The following NLRP5 variants were observed in gnomAD, a reference collection of about 807,000 sequenced individuals.
NLRP5 encodes the protein NLR family pyrin domain containing 5.
Under a neutral mutation model 113.1 loss-of-function variants are expected in NLRP5, and 93 were observed. The ratio of observed to expected loss-of-function variants is 0.82; its 90% CI spans 0.70 to 0.98. The LOEUF is 0.98. Ranked by LOEUF, NLRP5 falls within the 50% of genes least tolerant of loss-of-function variation. The probability of loss-of-function intolerance (pLI) is 0.00; values close to 1 mark genes in which losing one functional copy is unlikely to be tolerated. For missense variants in NLRP5, 1,808 were observed against 1,514.3 expected (o/e 1.19, Z -3.22); for synonymous variants, 751 against 600.7 (o/e 1.25, Z -3.66).
chr19:55,998,319 C>G (rs963693199), upstream of NLRP5, among the ~76,000 whole-genome samples: 15 of 152,102 alleles, frequency 9.9e-5, no homozygotes, highest in Middle Eastern at 3.4e-3. Context: ...TGATAGTCAC[C>G]ACACTCCAGC....
At chr19:55,989,951 C>T in the NLRP5 span, among the ~76,000 whole-genome samples, 1 of 152,132 alleles carries the variant, frequency 6.6e-6, no homozygotes, top group African/African-American at 2.4e-5. Context: ...AGCGTCCAGT[C>T]ACACATTGTG....
intron 2 of NLRP5, among the ~76,000 whole-genome samples, chr19:56,005,625 TACACACACAC>T (rs147776319): frequency 7.2e-6 from 1 of 139,150 alleles, no homozygotes; most frequent in Non-Finnish European, 1.5e-5. Context: ...TATATATTTA[TACACACACAC>T]ACACACACGC....
intron 3 of NLRP5, among the ~76,000 whole-genome samples, chr19:56,011,515 C>G (rs1001819420): frequency 1.3e-5 from 2 of 152,072 alleles, no homozygotes; most frequent in Admixed American, 6.6e-5. Context: ...TATTACAAAA[C>G]TCTAGAGAAG....
At chr19:55,998,706 GTGTGTGTGTA>G (rs1355983071), upstream of NLRP5, among the ~76,000 whole-genome samples, 1 of 31,320 alleles carries the variant, frequency 3.2e-5, no homozygotes, top group Non-Finnish European at 7.4e-5. Flanking sequence ...ATATATATGT[GTGTGTGTGTA>G]TATATATATA....
Position 56,010,742 on chromosome 19 carries a change from C to CAAAAAAAAAAA in NLRP5, c.508+1892_508+1902dup, listed in dbSNP as rs1412317286. Among the ~76,000 whole-genome samples the CAAAAAAAAAAA allele has an allele frequency of 3.2e-3, 133 of 41,256 alleles. 15 individuals are homozygous for CAAAAAAAAAAA. The highest frequency in any genetic ancestry group is 4.3e-3 in the Non-Finnish European group (99 of 23,120). The allele number at this position is 41,256 out of a possible 152,430, so 27.1% of individuals were successfully genotyped here. A position where few individuals can be genotyped will look rare whatever the true frequency, so the allele number is the denominator to read the frequency against. ...GGGAAACAAGAGCTTAACTCTGTCTCAAAAAAAAAAAAAGTCCCTTGAAAC... is the reference window on the plus strand; with the variant it reads ...GGGAAACAAGAGCTTAACTCTGTCTCAAAAAAAAAAAAAAAAAAAAAAAAGTCCCTTGAAAC... On this transcript the variant is annotated intron_variant, in intron 3 of 14. Transcript: ENST00000390649.
In NLRP5 at chr19:55,999,748, A is replaced by C; in HGVS notation, c.23A>C (p.Glu8Ala). ...ATCATGAAGGTTGCAGGAGGACTTG[A>C]ACTTGGAGCTGCTGCTCTGCTCTCA... The change falls in exon 1 of 15, where the codon GAA becomes GCA. Residue 8 changes from glutamate to alanine, a missense_variant. Transcript: ENST00000390649. 1 of 1,613,500 alleles carries C rather than the reference A, an allele frequency of 6.2e-7. No homozygotes were observed. The highest frequency in any genetic ancestry group is 8.5e-7 in the Non-Finnish European group (1 of 1,179,542).
intron 1 of NLRP5, among the ~76,000 whole-genome samples, chr19:56,000,729 C>T (rs984178167): frequency 5.4e-5 from 8 of 148,504 alleles, no homozygotes; most frequent in Middle Eastern, 3.4e-3. Context: ...CAAACTTGGT[C>T]GGGTGTGGTG....
rs536048480 is a variant in NLRP5 at position 56,057,796 on chromosome 19, C to T, written c.3300-444C>T. 4.9e-3 allele frequency among the ~76,000 whole-genome samples: 740 copies of T among 152,204 alleles called. 4 individuals are homozygous for T. The highest frequency in any genetic ancestry group is 0.016 in the African/African-American group (683 of 41,532). ...ATTCCAGCACTTTGGGAGGCTGAGG[C>T]AGGTGGATCATGTGAGGTCAGGAGT... On this transcript the variant is annotated intron_variant, in intron 13 of 14. Transcript: ENST00000390649.
chr19:56,060,553 G>GA (rs568676084), intron 14 of NLRP5, among the ~76,000 whole-genome samples: 1 of 152,036 alleles, frequency 6.6e-6, no homozygotes, highest in Non-Finnish European at 1.5e-5. Flanking sequence ...CATTAAGGGA[G>GA]AACTTACTGT....
intron 11 of NLRP5, among the ~76,000 whole-genome samples, chr19:56,047,337 A>C (rs1431667669): frequency 6.6e-6 from 1 of 152,044 alleles, no homozygotes; most frequent in African/African-American, 2.4e-5. Context: ...TTATAGTATC[A>C]GTTGATGCTC....
At chr19:56,004,236 A>G (rs1981769627) in intron 2 of NLRP5, 141 bp downstream of exon 2, 2 of 903,712 alleles carry the variant, frequency 2.2e-6, no homozygotes, top group Non-Finnish European at 3.3e-6. Flanking sequence ...CCTATTGGTC[A>G]TCGTCATTGG....
At chr19:55,986,779 G>A in the NLRP5 span, among the ~76,000 whole-genome samples, 1 of 151,818 alleles carries the variant, frequency 6.6e-6, no homozygotes, top group Non-Finnish European at 1.5e-5. Context: ...ATTGCCAGCT[G>A]GCCCAGAGCT....
chr19:56,043,989 C>T (rs909575283), intron 11 of NLRP5, among the ~76,000 whole-genome samples: 6 of 149,886 alleles, frequency 4.0e-5, no homozygotes, highest in African/African-American at 1.2e-4. Flanking sequence ...AAATCCTTGC[C>T]TAAGCCAATG....
chr19:56,010,755 A>AAAAAAAAAAAT lies in NLRP5; in HGVS notation c.508+1902_508+1903insAAAAAAAAAAT, dbSNP rs78321861. Among the ~76,000 whole-genome samples, 572 of 125,974 alleles carry AAAAAAAAAAAT rather than the reference A, an allele frequency of 4.5e-3. 35 individuals are homozygous for AAAAAAAAAAAT. The highest frequency in any genetic ancestry group is 0.017 in the African/African-American group (556 of 33,110). 82.6% of individuals were successfully genotyped at this position (125,974 alleles called of 152,430 possible). A position where few individuals can be genotyped will look rare whatever the true frequency, so the allele number is the denominator to read the frequency against. ...TTAACTCTGTCTCAAAAAAAAAAAA[A>AAAAAAAAAAAT]GTCCCTTGAAACTAAGCCAACCCAA... On this transcript the variant is annotated intron_variant, in intron 3 of 14. Transcript: ENST00000390649.
chr19:56,060,930 T>C lies in NLRP5; in HGVS notation c.3471-466T>C, dbSNP rs547742626. ...CATGCTGGCTTCAAGGCAGCATTAT[T>C]ATTAGAAAAGGTTCAGGGAGTAGAT... is the stretch of plus-strand genomic sequence containing the variant. On this transcript the variant is annotated intron_variant, in intron 14 of 14. Transcript: ENST00000390649. Among the ~76,000 whole-genome samples, 11 of 152,286 alleles carry C rather than the reference T, an allele frequency of 7.2e-5. No homozygotes were observed. The South Asian group carries it at 2.1e-3, about 29-fold the overall frequency.
intron 1 of NLRP5, among the ~76,000 whole-genome samples, chr19:56,002,605 T>C (rs1037458174): frequency 1.3e-5 from 2 of 149,488 alleles, no homozygotes; most frequent in Non-Finnish European, 2.9e-5. Flanking sequence ...CCTAATGCTA[T>C]CGCTCCCCCC....
At chr19:55,993,782 A>ACTT in the NLRP5 span, among the ~76,000 whole-genome samples, 1 of 150,286 alleles carries the variant, frequency 6.7e-6, no homozygotes, top group Non-Finnish European at 1.5e-5. Context: ...GCTGTAGCTC[A>ACTT]CATGAAGAGC....
At chr19:56,017,025 T>C (rs1238238591) in intron 4 of NLRP5, among the ~76,000 whole-genome samples, 1 of 152,176 alleles carries the variant, frequency 6.6e-6, no homozygotes, top group Non-Finnish European at 1.5e-5. Flanking sequence ...GGCAGGATGG[T>C]CTCAGTCTCT....
chr19:56,038,061 G>A lies in NLRP5; in HGVS notation c.2652G>A (p.Leu884=), dbSNP rs1165845341. 1.2e-5 allele frequency: 19 copies of A among 1,613,970 alleles called. No homozygotes were observed. The highest frequency in any genetic ancestry group is 1.6e-5 in the Non-Finnish European group (19 of 1,179,890). ...GTGGATTGACCCATGCCTGTTACCT[G>A]AAGATCTCCCAAATCCTTACGACCT... Residue 884 remains leucine (L), a synonymous_variant, in exon 10 of 15, where the codon CTG becomes CTA. Coordinates refer to ENST00000390649, the MANE Select transcript of NLRP5 (RefSeq NM_153447.4).
Sources: allele counts gnomAD v4.1 joint callset (sites outside exome capture counted in the v4.1 genomes callset), GRCh38; gene constraint gnomAD v4.1.1; transcripts MANE v1.5; gene names NCBI Gene and HGNC (gene_info 2026-07-23, HGNC 2026-07-21).